Variants in STK39 observed in about 807,000 individuals in gnomAD.
STK39 encodes the protein STE20/SPS1-related proline-alanine-rich protein kinase.
In STK39, 20 loss-of-function variants were observed where a neutral mutation model predicts 77.8. The observed-to-expected ratio is 0.26, with a 90% CI of 0.18 to 0.37. The LOEUF (loss-of-function observed/expected upper bound fraction) is 0.37. Ranked by LOEUF, STK39 falls within the 10% of genes least tolerant of loss-of-function variation. STK39 has a pLI of 1.00. For synonymous variants in STK39, 246 were observed against 234.1 expected (o/e 1.05, Z -0.47); for missense variants, 479 against 656.5 (o/e 0.73, Z 2.95).
intron 13 of STK39, among the ~76,000 whole-genome samples, chr2:168,064,306 C>T (rs1479325150): frequency 6.6e-6 from 1 of 152,118 alleles, no homozygotes; most frequent in Non-Finnish European, 1.5e-5. Context: ...CTCTCTTTGC[C>T]CTCTGATCCA....
rs553330528 is a variant in STK39, at chr2:168,238,825, T to C, written c.208+8403A>G. Among the ~76,000 whole-genome samples the C allele has an allele frequency of 2.6e-5, 4 of 152,324 alleles. No individual in the cohort carries two copies. In the South Asian group the frequency reaches 6.2e-4, roughly 24 times the overall value. ...TGTCTAGTATCAAAAACTTGGCCAA[T>C]TGATGGCAGATAGGGAAAAAAGAAA... On this transcript the variant is annotated intron_variant, in intron 1 of 17. Transcript: ENST00000355999.
intron 16 of STK39, among the ~76,000 whole-genome samples, chr2:168,002,777 T>C (rs1224701134): frequency 1.3e-5 from 2 of 152,168 alleles, no homozygotes; most frequent in African/African-American, 4.8e-5. Context: ...ATGTAACCCT[T>C]AGGTGTGTGA....
At chr2:168,179,272 G>C (rs1689024567) in intron 2 of STK39, among the ~76,000 whole-genome samples, 1 of 152,190 alleles carries the variant, frequency 6.6e-6, no homozygotes, top group African/African-American at 2.4e-5. Context: ...AATAATAAAA[G>C]TGCAAGCAAC....
At chr2:168,016,387 CAAAAAA>C (rs869084308) in intron 15 of STK39, among the ~76,000 whole-genome samples, 10 of 65,686 alleles carry the variant, frequency 1.5e-4, no homozygotes, top group East Asian at 1.3e-3. Flanking sequence ...GGCCTTTGTT[CAAAAAA>C]AAAAAAAAAA....
At chr2:168,183,973 G>A (rs1228428466) in intron 1 of STK39, among the ~76,000 whole-genome samples, 1 of 152,212 alleles carries the variant, frequency 6.6e-6, no homozygotes, top group Non-Finnish European at 1.5e-5. Flanking sequence ...CTGGTACCCA[G>A]CAGAGAAATC....
intron 1 of STK39, among the ~76,000 whole-genome samples, chr2:168,200,726 T>C (rs935963904): frequency 1.4e-5 from 2 of 146,798 alleles, no homozygotes; most frequent in African/African-American, 2.7e-5. Context: ...AAATGGGAAC[T>C]TAAAAATCTA....
At chr2:168,013,958 T>TG (rs1196056267) in intron 15 of STK39, among the ~76,000 whole-genome samples, 2 of 152,126 alleles carry the variant, frequency 1.3e-5, no homozygotes, top group Non-Finnish European at 2.9e-5. Context: ...CAATAAATGG[T>TG]AACTATGATG....
chr2:168,235,505 G>T (rs1690578820), intron 1 of STK39, among the ~76,000 whole-genome samples: 1 of 151,394 alleles, frequency 6.6e-6, no homozygotes, highest in African/African-American at 2.4e-5. Context: ...CAATGTGCAG[G>T]TTACATATGT....
intron 14 of STK39, among the ~76,000 whole-genome samples, chr2:168,061,472 A>T (rs938803729): frequency 1.3e-5 from 2 of 150,172 alleles, no homozygotes; most frequent in East Asian, 2.0e-4. Context: ...TCCAAAAAAA[A>T]GTGTATGTGC....
intron 16 of STK39, among the ~76,000 whole-genome samples, chr2:167,968,844 T>G (rs576294842): frequency 6.6e-6 from 1 of 152,180 alleles, no homozygotes; most frequent in African/African-American, 2.4e-5. Flanking sequence ...TTCTTTGAAA[T>G]CCAGCCACGC....
chr2:167,980,754 T>C (rs939383311), intron 16 of STK39, among the ~76,000 whole-genome samples: 1 of 29,476 alleles, frequency 3.4e-5, no homozygotes, highest in Non-Finnish European at 8.1e-5. Flanking sequence ...CTTGTTGTTG[T>C]TTTTTTTTTT....
rs188102172 is a variant in STK39 at position 168,214,470 on chromosome 2, G to A, written c.209-32380C>T. Among the ~76,000 whole-genome samples the A allele has an allele frequency of 3.9e-5, 6 of 152,156 alleles. No individual in the cohort carries two copies. In the South Asian group the frequency reaches 8.3e-4, roughly 21 times the overall value. On this transcript the variant is annotated intron_variant, in intron 1 of 17. Coordinates refer to ENST00000355999, the MANE Select transcript of STK39 (RefSeq NM_013233.3). ...TGACGTATATCCAGAACAGGTGGTC[G>A]CCAGGGGCTGGGAGAAGGGAAAATG...
At chr2:167,995,621 T>A (rs977394162) in intron 16 of STK39, among the ~76,000 whole-genome samples, 2 of 152,038 alleles carry the variant, frequency 1.3e-5, no homozygotes, top group African/African-American at 4.8e-5. Flanking sequence ...AGAGAGAAGA[T>A]GGAGGTGGTT....
At chr2:168,172,080 A>G (rs927417558) in intron 2 of STK39, among the ~76,000 whole-genome samples, 1 of 152,166 alleles carries the variant, frequency 6.6e-6, no homozygotes, top group African/African-American at 2.4e-5. Flanking sequence ...GTAAAAGGAG[A>G]TTACTACTAT....
chr2:168,126,352 T>C (rs552051996), intron 10 of STK39, among the ~76,000 whole-genome samples: 1 of 152,128 alleles, frequency 6.6e-6, no homozygotes, highest in South Asian at 2.1e-4. Context: ...AACAAATAAA[T>C]TAACGACTCC....
chr2:168,214,696 T>C (rs1379091941), intron 1 of STK39, among the ~76,000 whole-genome samples: 1 of 152,086 alleles, frequency 6.6e-6, no homozygotes, highest in African/African-American at 2.4e-5. Context: ...ATACAAAGGA[T>C]ATACATAAAT....
chr2:168,207,640 T>G (rs774239554), intron 1 of STK39, among the ~76,000 whole-genome samples: 2 of 152,152 alleles, frequency 1.3e-5, no homozygotes, highest in Non-Finnish European at 1.5e-5. Flanking sequence ...CAAAAAAAAT[T>G]TTAAAGCTAT....
chr2:168,100,466 G>A (rs1303297420), intron 10 of STK39, among the ~76,000 whole-genome samples: 1 of 152,130 alleles, frequency 6.6e-6, no homozygotes, highest in African/African-American at 2.4e-5. Context: ...CCTGGGCTAT[G>A]TTACCCAGGC....
In STK39 at chr2:168,138,230, G is replaced by T. The variant is rs757955862; in HGVS notation, c.841-9C>A. On this transcript the variant is annotated splice_polypyrimidine_tract_variant and intron_variant, in intron 7 of 17. Transcript: ENST00000355999. The stretch of plus-strand genomic sequence containing the variant: ...AAAGTCAACATTAACACCTGCAGCA[G>T]AAACAAACATGAAGACAGAATCTCA... 6.2e-7 allele frequency: 1 copy of T among 1,608,190 alleles called. No homozygotes were observed. The highest frequency in any genetic ancestry group is 8.5e-7 in the Non-Finnish European group (1 of 1,177,030).
Sources: gnomAD v4.1 joint callset for allele counts (sites outside exome capture counted in the v4.1 genomes callset) on GRCh38, gnomAD v4.1.1 for gene constraint, MANE v1.5 for transcripts, NCBI Gene and HGNC (gene_info 2026-07-23, HGNC 2026-07-21) for gene names.